SYT1: variants seen among roughly 807,000 people sequenced by gnomAD.
The protein encoded by SYT1 is synaptotagmin 1.
SYT1 carries 8 observed loss-of-function variants against 44.8 expected under a neutral mutation model. The observed-to-expected ratio is 0.18, with a 90% CI of 0.10 to 0.32. The LOEUF (loss-of-function observed/expected upper bound fraction) is 0.32, where lower values mean the gene tolerates loss of function less well. Among genes scored for constraint, SYT1 ranks in the 10% least tolerant of loss-of-function variants. SYT1 has a pLI of 1.00. For synonymous variants in SYT1, 154 were observed against 188.8 expected (o/e 0.82, Z 1.51); for missense variants, 286 against 509.3 (o/e 0.56, Z 4.22).
intron 7 of SYT1, among the ~76,000 whole-genome samples, chr12:79,297,053 G>T (rs1879909123): frequency 6.6e-6 from 1 of 152,166 alleles, no homozygotes; most frequent in Non-Finnish European, 1.5e-5. Context: ...CCATCAGCCA[G>T]GCTTAGCATA....
At chr12:79,041,217 T>C (rs1213841222) in intron 2 of SYT1, among the ~76,000 whole-genome samples, 2 of 152,130 alleles carry the variant, frequency 1.3e-5, no homozygotes, top group African/African-American at 4.8e-5. Context: ...CCTTGGGCAG[T>C]ATGGCCATTT....
At chr12:79,176,252 T>G (rs1481947654) in intron 3 of SYT1, among the ~76,000 whole-genome samples, 1 of 148,880 alleles carries the variant, frequency 6.7e-6, no homozygotes, top group Non-Finnish European at 1.5e-5. Context: ...ATCACTCCAT[T>G]CACTCCAGCC....
intron 9 of SYT1, among the ~76,000 whole-genome samples, chr12:79,418,203 G>A (rs972403190): frequency 4.6e-5 from 7 of 152,068 alleles, no homozygotes; most frequent in Non-Finnish European, 7.4e-5. Context: ...TAGTCCCAGC[G>A]CTAACATTTG....
At chr12:79,125,928 T>G (rs1868409549) in intron 3 of SYT1, among the ~76,000 whole-genome samples, 1 of 152,154 alleles carries the variant, frequency 6.6e-6, no homozygotes, top group Non-Finnish European at 1.5e-5. Flanking sequence ...TTTATTTTCT[T>G]CAGAGCACTT....
At chr12:79,250,910 A>T (rs754120214) in intron 4 of SYT1, among the ~76,000 whole-genome samples, 2 of 152,026 alleles carry the variant, frequency 1.3e-5, no homozygotes, top group African/African-American at 4.8e-5. Context: ...TGTCCTCTAC[A>T]TGTTGGTTAT....
chr12:79,053,735 A>G (rs1417220567), intron 3 of SYT1, among the ~76,000 whole-genome samples: 4 of 151,614 alleles, frequency 2.6e-5, no homozygotes, highest in African/African-American at 9.6e-5. Flanking sequence ...AACTTAGACT[A>G]TATTATTGTA....
chr12:79,125,046 A>G (rs913351178), intron 3 of SYT1, among the ~76,000 whole-genome samples: 19 of 151,096 alleles, frequency 1.3e-4, no homozygotes, highest in Non-Finnish European at 1.9e-4. Flanking sequence ...GTTTGGTTTG[A>G]TTTGGTTTGG....
intron 8 of SYT1, among the ~76,000 whole-genome samples, chr12:79,342,728 A>T (rs1354581379): frequency 6.6e-6 from 1 of 152,246 alleles, no homozygotes; most frequent in Non-Finnish European, 1.5e-5. Context: ...ACGATCAGTG[A>T]TAATGCCCAG....
chr12:78,872,786 TAGGTTAGCTTC>T (rs1372583480), intron 1 of SYT1, among the ~76,000 whole-genome samples: 1 of 151,870 alleles, frequency 6.6e-6, no homozygotes, highest in Non-Finnish European at 1.5e-5. Context: ...GTATACATTT[TAGGTTAGCTTC>T]ACAAAATATA....
intron 1 of SYT1, among the ~76,000 whole-genome samples, chr12:78,905,439 T>C (rs960858163): frequency 2.0e-5 from 3 of 152,130 alleles, no homozygotes; most frequent in Non-Finnish European, 2.9e-5. Context: ...CCGGTGGTAA[T>C]TGAAGGAAAA....
Position 79,043,645 on chromosome 12 carries a change from A to C in SYT1, c.-83-3652A>C, listed in dbSNP as rs1343760696. Among the ~76,000 whole-genome samples the C allele has an allele frequency of 3.3e-5, 5 of 151,602 alleles. 1 individual carries two copies. Among genetic ancestry groups the C allele is most frequent in the Middle Eastern group, 6.8e-3 (2 of 292 alleles). ...ATTTACATTTAAAGTTAGTATTGTTATGTGTGAATTTAATCCTGTCATTAT... is the reference window on the plus strand; with the variant it reads ...ATTTACATTTAAAGTTAGTATTGTTCTGTGTGAATTTAATCCTGTCATTAT... On this transcript the variant is annotated intron_variant, in intron 2 of 10. Transcript: ENST00000261205.
chr12:78,993,572 T>A (rs61928088), intron 2 of SYT1, among the ~76,000 whole-genome samples: 12,777 of 152,244 alleles, frequency 0.084, 663 homozygotes, highest in African/African-American at 0.14. Flanking sequence ...CATAGAATCT[T>A]TCTTCTGGAA....
rs551063666 is a variant in SYT1, at chr12:79,401,281, C to A, written c.929-42792C>A. 3.9e-5 allele frequency among the ~76,000 whole-genome samples: 6 copies of A among 152,230 alleles called. No homozygotes were observed. The East Asian group carries it at 1.2e-3, about 29-fold the overall frequency. ...CAATGACTCATGCCTGTAATCCCAG[C>A]ACTTTGGGAGGCTGAGGCAGGAAGA... On this transcript the variant is annotated intron_variant, in intron 9 of 10. Transcript: ENST00000261205.
chr12:79,299,361 T>C (rs1441128872), intron 7 of SYT1, 23 bp from the exon 8 acceptor site: 1 of 1,609,170 alleles, frequency 6.2e-7, no homozygotes, highest in Admixed American at 1.7e-5. Context: ...CTGGATATTT[T>C]ATCCTCATGT....
intron 9 of SYT1, among the ~76,000 whole-genome samples, chr12:79,374,872 G>A (rs1434388866): frequency 6.6e-6 from 1 of 152,194 alleles, no homozygotes; most frequent in East Asian, 1.9e-4. Context: ...AAAATACTGT[G>A]TGATTTAGAT....
chr12:79,107,961 A>T (rs545859458), intron 3 of SYT1, among the ~76,000 whole-genome samples: 226 of 152,234 alleles, frequency 1.5e-3, no homozygotes, highest in African/African-American at 5.2e-3. Context: ...ATATTGTAAA[A>T]ATATAAATTC....
intron 2 of SYT1, among the ~76,000 whole-genome samples, chr12:79,018,884 A>G (rs962804106): frequency 2.0e-5 from 3 of 151,994 alleles, no homozygotes; most frequent in Non-Finnish European, 4.4e-5. Flanking sequence ...ACTCAGTTGT[A>G]TTATGCTTAA....
At chr12:79,249,294 C>T (rs1241064620) in intron 4 of SYT1, among the ~76,000 whole-genome samples, 1 of 151,030 alleles carries the variant, frequency 6.6e-6, no homozygotes, top group Non-Finnish European at 1.5e-5. Context: ...TTAGTAGAGA[C>T]GGGGTTTCAC....
chr12:79,384,160 C>CTA (rs1565935543), intron 9 of SYT1, among the ~76,000 whole-genome samples: 2 of 152,244 alleles, frequency 1.3e-5, no homozygotes, highest in South Asian at 4.1e-4. Context: ...GAGTGCTGAA[C>CTA]TATACAATAA....
Sources: allele counts gnomAD v4.1 joint callset (sites outside exome capture counted in the v4.1 genomes callset), GRCh38; gene constraint gnomAD v4.1.1; transcripts MANE v1.5; gene names NCBI Gene and HGNC (gene_info 2026-07-23, HGNC 2026-07-21).